Variants in CDH12 observed in about 807,000 individuals in gnomAD.
The protein encoded by CDH12 is cadherin-12.
CDH12 carries 41 observed loss-of-function variants against 74.1 expected under a neutral mutation model. The observed-to-expected ratio is 0.55, with a 90% CI of 0.43 to 0.72. The LOEUF is 0.72. Ranked by LOEUF, CDH12 falls within the 30% of genes least tolerant of loss-of-function variation. The pLI is 0.00. For missense variants in CDH12, 945 were observed against 977.2 expected, an observed-to-expected ratio of 0.97 and a Z score of 0.44; for synonymous variants, 399 against 355.0, an observed-to-expected ratio of 1.12 and a Z score of -1.39.
Position 22,760,692 on chromosome 5 carries a change from A to C in CDH12, c.-523+92366T>G, listed in dbSNP as rs1317149863. On this transcript the variant is annotated intron_variant, in intron 1 of 14. Coordinates refer to ENST00000382254, the MANE Select transcript of CDH12 (RefSeq NM_004061.5). Reference sequence around the variant, plus strand: ...AGACTCCGTCTCAAAAAAAAAAAAAAAAAAAAAACAAAAAAAAAAAGGTAA... The same window carrying C: ...AGACTCCGTCTCAAAAAAAAAAAAACAAAAAAAACAAAAAAAAAAAGGTAA... Among the ~76,000 whole-genome samples the C allele has an allele frequency of 3.1e-4, 47 of 151,094 alleles. 1 individual carries two copies. The highest frequency in any genetic ancestry group is 4.4e-4 in the African/African-American group (18 of 41,104).
intron 5 of CDH12, among the ~76,000 whole-genome samples, chr5:22,025,853 T>C (rs2150166662): frequency 6.6e-6 from 1 of 152,294 alleles, no homozygotes; most frequent in African/African-American, 2.4e-5. Flanking sequence ...TTCTAGCTCA[T>C]TCTTAAGAAC....
intron 14 of CDH12, among the ~76,000 whole-genome samples, chr5:21,755,004 A>G (rs1744305648): frequency 1.3e-5 from 2 of 152,184 alleles, no homozygotes; most frequent in Admixed American, 1.3e-4. Flanking sequence ...TCTAGTGGGA[A>G]TGGTTAGAAT....
In CDH12 at chr5:22,725,506, C is replaced by G. The variant is rs536959190; in HGVS notation, c.-523+127552G>C. Among the ~76,000 whole-genome samples the G allele has an allele frequency of 2.0e-5, 3 of 151,804 alleles. No homozygotes were observed. The South Asian group carries it at 6.2e-4, about 31-fold the overall frequency. The stretch of plus-strand genomic sequence containing the variant: ...ATACACGTGTCTTAGCCTATTTGGG[C>G]TGCTGTAACAAAATATCATAGACTA... On this transcript the variant is annotated intron_variant, in intron 1 of 14. Transcript: ENST00000382254.
At chr5:21,832,843 C>T (rs1456894492) in intron 8 of CDH12, among the ~76,000 whole-genome samples, 6 of 89,200 alleles carry the variant, frequency 6.7e-5, no homozygotes, top group Non-Finnish European at 8.9e-5. Flanking sequence ...TAATATAAAT[C>T]ATATGATATA....
At chr5:22,540,118 T>C (rs539689944) in intron 1 of CDH12, among the ~76,000 whole-genome samples, 3 of 152,264 alleles carry the variant, frequency 2.0e-5, no homozygotes, top group Non-Finnish European at 2.9e-5. Flanking sequence ...GAAATGTTTA[T>C]CTTTTTTTAG....
intron 1 of CDH12, among the ~76,000 whole-genome samples, chr5:22,789,704 C>G (rs1046359001): frequency 5.9e-5 from 9 of 151,818 alleles, no homozygotes; most frequent in Non-Finnish European, 1.0e-4. Context: ...GATAAATTCT[C>G]AAATTACCAA....
chr5:21,765,116 A>G lies in CDH12; in HGVS notation c.1394-17T>C, dbSNP rs759514290. ...AAGGGTTACCTGTTAAAAACATATA[A>G]AGATAAAAGATGATTACAAAATCCG... On this transcript the variant is annotated splice_polypyrimidine_tract_variant and intron_variant, in intron 11 of 14. Transcript: ENST00000382254. 4.0e-6 allele frequency: 6 copies of G among 1,505,414 alleles called. No homozygotes were observed. In the African/African-American group the frequency reaches 8.6e-5, roughly 22 times the overall value. 93.3% of individuals were successfully genotyped at this position (1,505,414 alleles called of 1,614,324 possible).
chr5:22,587,865 C>T (rs943724688), intron 1 of CDH12, among the ~76,000 whole-genome samples: 1 of 144,726 alleles, frequency 6.9e-6, no homozygotes, highest in African/African-American at 2.5e-5. Context: ...TATATATATA[C>T]ATATATAGCA....
At chr5:22,272,606 T>TGTGA (rs1439907570) in intron 3 of CDH12, among the ~76,000 whole-genome samples, 2 of 152,156 alleles carry the variant, frequency 1.3e-5, no homozygotes, top group African/African-American at 4.8e-5. Flanking sequence ...TGAGATGTGG[T>TGTGA]AGTCTTCCTT....
intron 1 of CDH12, among the ~76,000 whole-genome samples, chr5:22,673,837 CA>C (rs1321346763): frequency 6.6e-6 from 1 of 152,032 alleles, no homozygotes; most frequent in Non-Finnish European, 1.5e-5. Context: ...AAACTGATGA[CA>C]AAAAGGTCAA....
chr5:22,574,269 G>A lies in CDH12; in HGVS notation c.-522-68905C>T, dbSNP rs568062912. Among the ~76,000 whole-genome samples, 19 of 151,602 alleles carry A rather than the reference G, an allele frequency of 1.3e-4. 1 individual carries two copies. The South Asian group carries it at 3.3e-3, about 27-fold the overall frequency. The stretch of plus-strand genomic sequence containing the variant: ...TAATTTTTGTATTTCTAGTAGAGAC[G>A]GGGTTTCACCATGTTGACCAGGCTT... On this transcript the variant is annotated intron_variant, in intron 1 of 14. Coordinates refer to ENST00000382254, the MANE Select transcript of CDH12 (RefSeq NM_004061.5).
chr5:21,916,449 T>G (rs1234952647), intron 6 of CDH12, among the ~76,000 whole-genome samples: 2 of 152,194 alleles, frequency 1.3e-5, no homozygotes, highest in African/African-American at 4.8e-5. Flanking sequence ...GCAGATCAAA[T>G]GAATCTTATT....
At chr5:22,761,938 C>A (rs1746251034) in intron 1 of CDH12, among the ~76,000 whole-genome samples, 1 of 151,836 alleles carries the variant, frequency 6.6e-6, no homozygotes, top group South Asian at 2.1e-4. Context: ...CAAACACACA[C>A]ACACACACAC....
intron 6 of CDH12, among the ~76,000 whole-genome samples, chr5:21,902,159 C>T (rs2150054906): frequency 6.6e-6 from 1 of 151,880 alleles, no homozygotes; most frequent in East Asian, 1.9e-4. Flanking sequence ...GATATGTTGC[C>T]TCTTGATTAT....
At chr5:22,495,436 G>A (rs1176223611) in intron 2 of CDH12, among the ~76,000 whole-genome samples, 1 of 152,046 alleles carries the variant, frequency 6.6e-6, no homozygotes, top group Non-Finnish European at 1.5e-5. Flanking sequence ...AAGGTGGTGG[G>A]GCTAAATGTG....
At chr5:21,994,501 T>G (rs1400923513) in intron 5 of CDH12, among the ~76,000 whole-genome samples, 2 of 152,308 alleles carry the variant, frequency 1.3e-5, no homozygotes, top group South Asian at 4.1e-4. Flanking sequence ...TTCTTTTCCA[T>G]GCAACTGGCA....
At chr5:22,767,218 T>C (rs564891577) in intron 1 of CDH12, among the ~76,000 whole-genome samples, 124 of 152,116 alleles carry the variant, frequency 8.2e-4, no homozygotes, top group Admixed American at 2.3e-3. Flanking sequence ...AACAATCTCA[T>C]GGTAAAAAAG....
Position 21,976,463 on chromosome 5 carries a change from CATAAA to C in CDH12, c.232-1083_232-1079del, listed in dbSNP as rs554308527. On this transcript the variant is annotated intron_variant, in intron 5 of 14. Coordinates refer to ENST00000382254, the MANE Select transcript of CDH12 (RefSeq NM_004061.5). ...AAATAAATATATACATAAAATATTA[CATAAA>C]ATAAAATAGTGCATCATATATAATT... Among the ~76,000 whole-genome samples the C allele has an allele frequency of 4.0e-3, 607 of 150,608 alleles. 8 individuals are homozygous for C. Among genetic ancestry groups the C allele is most frequent in the African/African-American group, 0.014 (572 of 41,192 alleles).
At chr5:22,264,961 T>A (rs1163691218) in intron 3 of CDH12, among the ~76,000 whole-genome samples, 2 of 152,186 alleles carry the variant, frequency 1.3e-5, no homozygotes, top group Non-Finnish European at 2.9e-5. Context: ...AAGGTCATGC[T>A]GTTGTAAATG....
Sources: allele counts gnomAD v4.1 joint callset (sites outside exome capture counted in the v4.1 genomes callset), GRCh38; gene constraint gnomAD v4.1.1; transcripts MANE v1.5; gene names NCBI Gene and HGNC (gene_info 2026-07-23, HGNC 2026-07-21).